The following ENTPD5 variants were observed in gnomAD, a reference collection of about 807,000 sequenced individuals.
The protein encoded by ENTPD5 is nucleoside diphosphate phosphatase ENTPD5.
Under a neutral mutation model 60.2 loss-of-function variants are expected in ENTPD5, and 49 were observed. That is an observed-to-expected ratio of 0.81 (90% CI 0.65 to 1.03). The LOEUF (loss-of-function observed/expected upper bound fraction) is 1.03, where lower values mean the gene tolerates loss of function less well. Ranked by LOEUF, ENTPD5 falls within the 50% of genes least tolerant of loss-of-function variation. The pLI is 0.00. For missense variants in ENTPD5, 480 were observed against 507.6 expected (o/e 0.95, Z 0.52); for synonymous variants, 187 against 185.4 (o/e 1.01, Z -0.07).
intron 3 of ENTPD5, among the ~76,000 whole-genome samples, chr14:74,002,279 G>A (rs1451087935): frequency 6.6e-6 from 1 of 152,098 alleles, no homozygotes; most frequent in Non-Finnish European, 1.5e-5. Flanking sequence ...ACCCAAGAAG[G>A]ATTATCTAAC....
At chr14:73,996,619 G>A (rs2058351436) in intron 3 of ENTPD5, 1 of 151,922 alleles carries the variant, frequency 6.6e-6, no homozygotes, top group South Asian at 2.1e-4. Context: ...TATATACAGA[G>A]GAATCCGATA....
chr14:73,959,186 C>T (rs2056586400), downstream of ENTPD5: 1 of 1,614,238 alleles, frequency 6.2e-7, no homozygotes, highest in Non-Finnish European at 8.5e-7. Flanking sequence ...CGTAGCCTGG[C>T]AGAGATTTCT....
intron 3 of ENTPD5, among the ~76,000 whole-genome samples, chr14:73,995,828 A>G (rs2058324351): frequency 6.6e-6 from 1 of 151,940 alleles, no homozygotes; most frequent in African/African-American, 2.4e-5. Flanking sequence ...TACTCCTTTC[A>G]CAGTTGGTCT....
chr14:74,009,435 C>T (rs1021001274), intron 3 of ENTPD5, among the ~76,000 whole-genome samples: 1 of 152,156 alleles, frequency 6.6e-6, no homozygotes, highest in East Asian at 1.9e-4. Context: ...TGAAAAATAG[C>T]TACTGCTTCA....
intron 3 of ENTPD5, among the ~76,000 whole-genome samples, chr14:74,005,389 C>T (rs1235103483): frequency 1.1e-5 from 1 of 94,328 alleles, no homozygotes; most frequent in Non-Finnish European, 2.2e-5. Context: ...GAAATATAGG[C>T]AGGGTTTCAC....
chr14:73,978,366 G>A (rs531987210), intron 6 of ENTPD5, among the ~76,000 whole-genome samples: 18 of 152,058 alleles, frequency 1.2e-4, no homozygotes, highest in Non-Finnish European at 2.1e-4. Context: ...CACTTTTGGA[G>A]GCCGAGGCAG....
downstream of ENTPD5, chr14:73,959,353 G>A (rs755053024): frequency 6.2e-7 from 1 of 1,614,114 alleles, no homozygotes; most frequent in Non-Finnish European, 8.5e-7. Flanking sequence ...GTCTTTTTAT[G>A]CTTGAGAGTT....
intron 3 of ENTPD5, among the ~76,000 whole-genome samples, chr14:73,992,673 G>T (rs1276081320): frequency 4.4e-5 from 6 of 135,746 alleles, no homozygotes; most frequent in African/African-American, 1.1e-4. Flanking sequence ...GACGGAACAA[G>T]ACTCCGTCTC....
At chr14:73,985,790 G>A (rs962158602) in intron 5 of ENTPD5, among the ~76,000 whole-genome samples, 18 of 151,784 alleles carry the variant, frequency 1.2e-4, no homozygotes, top group Non-Finnish European at 1.6e-4. Context: ...ATATCCTCTC[G>A]GGGCCAGGTG....
intron 1 of ENTPD5, among the ~76,000 whole-genome samples, chr14:74,017,633 C>A (rs1012176332): frequency 2.0e-5 from 3 of 149,428 alleles, no homozygotes; most frequent in African/African-American, 7.4e-5. Context: ...GCCTGTAAAT[C>A]TCAACACTTT....
At chr14:74,017,014 T>C (rs1300443528) in intron 1 of ENTPD5, among the ~76,000 whole-genome samples, 3 of 152,148 alleles carry the variant, frequency 2.0e-5, no homozygotes, top group Admixed American at 2.0e-4. Context: ...ATACCAGAAA[T>C]ACACTCAGAA....
chr14:73,956,401 A>G (rs1882299894), downstream of ENTPD5: 1 of 166,904 alleles, frequency 6.0e-6, no homozygotes, highest in South Asian at 1.5e-4. Context: ...GCTGGGTCAT[A>G]TAATAATTCT....
downstream of ENTPD5, chr14:73,959,069 T>C (rs762675943): frequency 1.2e-6 from 2 of 1,614,168 alleles, no homozygotes; most frequent in Admixed American, 3.3e-5. Context: ...CTACTCTGCA[T>C]TTATCAGAGG....
chr14:73,989,872 T>C (rs1031655429), intron 3 of ENTPD5, among the ~76,000 whole-genome samples: 22 of 140,864 alleles, frequency 1.6e-4, no homozygotes, highest in African/African-American at 5.3e-4. Flanking sequence ...CCGGGCTTGG[T>C]GGCAGGTGCC....
chr14:73,957,635 G>T (rs1183976390), downstream of ENTPD5, among the ~76,000 whole-genome samples: 1 of 152,088 alleles, frequency 6.6e-6, no homozygotes, highest in Non-Finnish European at 1.5e-5. Context: ...TTACCATGTT[G>T]CTCAGGCTGG....
chr14:74,019,286 C>G lies in ENTPD5; in HGVS notation c.-274G>C, dbSNP rs1450173243. The G allele has an allele frequency of 1.8e-6, 1 of 546,998 alleles. No homozygotes were observed. 33.9% of individuals were successfully genotyped at this position (546,998 alleles called of 1,614,324 possible). On this transcript the variant is annotated 5_prime_UTR_variant, in exon 1 of 16. Transcript: ENST00000334696. ...CACCCTTGCGCGGCAGCCCGCCGCC[C>G]TCGGCGCGACCTCCGCCCCACCCCG...
intron 3 of ENTPD5, among the ~76,000 whole-genome samples, chr14:73,992,257 C>T (rs1033611711): frequency 1.3e-5 from 2 of 152,136 alleles, no homozygotes; most frequent in Non-Finnish European, 1.5e-5. Context: ...TCCCATTTCC[C>T]AGGCCCTTCA....
downstream of ENTPD5, chr14:73,961,974 T>C (rs141742064): frequency 3.3e-4 from 514 of 1,566,384 alleles, 1 homozygote; most frequent in African/African-American, 5.8e-3. Flanking sequence ...TGAAACAGAG[T>C]CTTGGTCTTA....
intron 7 of ENTPD5, 114 bp from the exon 8 acceptor site, chr14:73,977,173 T>G (rs914760605): frequency 1.6e-6 from 2 of 1,252,088 alleles, no homozygotes; most frequent in Non-Finnish European, 2.3e-6. Flanking sequence ...ACATGTTCCC[T>G]TCTCCCTGTC....
Sources: gnomAD v4.1 joint callset for allele counts (sites outside exome capture counted in the v4.1 genomes callset) on GRCh38, gnomAD v4.1.1 for gene constraint, MANE v1.5 for transcripts, NCBI Gene and HGNC (gene_info 2026-07-23, HGNC 2026-07-21) for gene names.